Variants in DMXL1 observed in about 807,000 individuals in gnomAD.
DMXL1 encodes the protein Dmx like 1.
In DMXL1, 99 loss-of-function variants were observed where a neutral mutation model predicts 319.2. The ratio of observed to expected loss-of-function variants is 0.31; its 90% CI spans 0.26 to 0.37. DMXL1 has a LOEUF of 0.37. DMXL1 is among the 10% of genes least tolerant of loss of function. The pLI, the probability that DMXL1 is intolerant of heterozygous loss-of-function variation, is 1.00. For synonymous variants in DMXL1, 1,385 were observed against 1,235.2 expected, an observed-to-expected ratio of 1.12 and a Z score of -2.54; for missense variants, 3,745 against 3,595.6, an observed-to-expected ratio of 1.04 and a Z score of -1.06.
In DMXL1 at chr5:119,173,776, G is replaced by GTGTATATATATA; in HGVS notation, c.6682-1484_6682-1483insGTATATATATAT. ...TGTGTATATATATATATGTGTGTGT[G>GTGTATATATATA]TATATATATATATATATATATAATG... is the stretch of plus-strand genomic sequence containing the variant. On this transcript the variant is annotated intron_variant, in intron 25 of 43. Coordinates refer to ENST00000539542, the MANE Select transcript of DMXL1 (RefSeq NM_001290321.3). Among the ~76,000 whole-genome samples, 206 of 67,170 alleles carry GTGTATATATATA rather than the reference G, an allele frequency of 3.1e-3. 14 individuals carry two copies. The highest frequency in any genetic ancestry group is 0.011 in the African/African-American group (197 of 18,014). 44.1% of individuals were successfully genotyped at this position (67,170 alleles called of 152,430 possible). A position where few individuals can be genotyped will look rare whatever the true frequency, so the allele number is the denominator to read the frequency against.
chr5:119,077,058 T>C (rs1751036317), intron 1 of DMXL1, among the ~76,000 whole-genome samples: 1 of 152,238 alleles, frequency 6.6e-6, no homozygotes, highest in Non-Finnish European at 1.5e-5. Flanking sequence ...TCTCACTGTA[T>C]TGACCAGGCA....
At chr5:119,168,889 T>C (rs1773983576) in intron 23 of DMXL1, among the ~76,000 whole-genome samples, 1 of 151,756 alleles carries the variant, frequency 6.6e-6, no homozygotes, top group Non-Finnish European at 1.5e-5. Context: ...TTTTGTCTTG[T>C]CTTTTCTCTT....
At chr5:119,207,787 G>T (rs1172727717) in intron 34 of DMXL1, among the ~76,000 whole-genome samples, 1 of 152,170 alleles carries the variant, frequency 6.6e-6, no homozygotes, top group East Asian at 1.9e-4. Flanking sequence ...CTCCCAAAGT[G>T]CTAGGATTAC....
At chr5:119,156,771 A>G (rs1248803197) in intron 19 of DMXL1, among the ~76,000 whole-genome samples, 1 of 151,754 alleles carries the variant, frequency 6.6e-6, no homozygotes, top group Admixed American at 6.6e-5. Flanking sequence ...TAATGGCTGT[A>G]CTAATTTATG....
In DMXL1 at chr5:119,170,448, A is replaced by G. The variant is rs777230064; in HGVS notation, c.5657A>G (p.Lys1886Arg). 1.2e-6 allele frequency: 2 copies of G among 1,614,024 alleles called. No individual in the cohort carries two copies. Among genetic ancestry groups the G allele is most frequent in the East Asian group, 2.2e-5 (1 of 44,876 alleles). The change falls in exon 24 of 44, where the codon AAG becomes AGG. Residue 1886 changes from lysine (K) to arginine (R), a missense_variant. Transcript: ENST00000539542. ...TTATCAAAGATGCCTAAAGTCATCA[A>G]GAAAACAAGACCTTTTTATAGGGCT... ...EVLSKMPKVIKKTRPFYRASS... is the reference protein window; with the variant it reads ...EVLSKMPKVIRKTRPFYRASS...
intron 1 of DMXL1, among the ~76,000 whole-genome samples, chr5:119,072,308 CA>C (rs1184843800): frequency 1.3e-5 from 2 of 151,900 alleles, no homozygotes; most frequent in African/African-American, 4.8e-5. Flanking sequence ...AAGAGGGCAC[CA>C]AATTTCGGGC....
intron 3 of DMXL1, 150 bp from the exon 4 acceptor site, chr5:119,105,030 T>C (rs2149814913): frequency 1.7e-6 from 1 of 571,768 alleles, no homozygotes; most frequent in Non-Finnish European, 3.2e-6. Flanking sequence ...CTTTATCATG[T>C]GTTCTCTATT....
chr5:119,148,851 A>G lies in DMXL1; in HGVS notation c.3024A>G (p.Glu1008=). The G allele has an allele frequency of 6.2e-7, 1 of 1,613,820 alleles. No homozygotes were observed. Among genetic ancestry groups the G allele is most frequent in the Non-Finnish European group, 8.5e-7 (1 of 1,179,798 alleles). ...GGAGATGCAGAGTAACAGATGGAGA[A>G]TCTGCCACGTCAAAGAATGGAAAAA... is the stretch of plus-strand genomic sequence containing the variant. ...RFWRCRVTDG[E]SATSKNGKID... Residue 1008 remains glutamate, a synonymous_variant, in exon 18 of 44, where the codon GAA becomes GAG. Coordinates refer to ENST00000539542, the MANE Select transcript of DMXL1 (RefSeq NM_001290321.3).
chr5:119,092,416 C>CT (rs2149751425), intron 1 of DMXL1, among the ~76,000 whole-genome samples: 1 of 152,100 alleles, frequency 6.6e-6, no homozygotes, highest in African/African-American at 2.4e-5. Context: ...TTGTATGAAT[C>CT]TGTTTTTCAT....
At chr5:119,232,389 G>A (rs1581463608) in intron 38 of DMXL1, among the ~76,000 whole-genome samples, 2 of 152,122 alleles carry the variant, frequency 1.3e-5, no homozygotes, top group African/African-American at 4.8e-5. Flanking sequence ...ACTGATATGT[G>A]ACTAGCAAGT....
At chr5:119,178,328 T>C in intron 28 of DMXL1, 84 bp downstream of exon 28, 1 of 1,437,022 alleles carries the variant, frequency 7.0e-7, no homozygotes, top group Non-Finnish European at 9.4e-7. Flanking sequence ...TTTAATTTAG[T>C]TATAGAAAGT....
chr5:119,118,477 G>A (rs1026088199), intron 7 of DMXL1, among the ~76,000 whole-genome samples: 10 of 152,044 alleles, frequency 6.6e-5, no homozygotes, highest in Admixed American at 3.3e-4. Flanking sequence ...TGGGATGGTG[G>A]CACACACCTG....
At chr5:119,077,674 A>ATGTGTGTGTGTGTG (rs369098761) in intron 1 of DMXL1, among the ~76,000 whole-genome samples, 32 of 118,894 alleles carry the variant, frequency 2.7e-4, no homozygotes, top group African/African-American at 1.2e-3. Context: ...GTGTATATAT[A>ATGTGTGTGTGTGTG]TGTGTGTGTG....
At chr5:119,082,862 C>T (rs757014867) in intron 1 of DMXL1, among the ~76,000 whole-genome samples, 1 of 152,216 alleles carries the variant, frequency 6.6e-6, no homozygotes, top group Non-Finnish European at 1.5e-5. Flanking sequence ...TTCTCTTCAT[C>T]GTCTCCCCCA....
chr5:119,186,341 G>C (rs771962951), intron 28 of DMXL1, among the ~76,000 whole-genome samples: 2 of 152,128 alleles, frequency 1.3e-5, no homozygotes, highest in Non-Finnish European at 1.5e-5. Context: ...TGTGATCTCA[G>C]CTCACTGCAA....
chr5:119,152,107 C>T, intron 19 of DMXL1, 71 bp downstream of exon 19: 5 of 998,886 alleles, frequency 5.0e-6, no homozygotes, highest in Non-Finnish European at 7.5e-6. Context: ...AGTTTTTAAA[C>T]TTGTTTTTAC....
At chr5:119,238,944 AT>A in intron 40 of DMXL1, 44 bp from the exon 41 acceptor site, 1 of 1,608,126 alleles carries the variant, frequency 6.2e-7, no homozygotes, top group East Asian at 2.2e-5. Context: ...TGGTTATGAC[AT>A]TTTTAGTGAG....
intron 2 of DMXL1, among the ~76,000 whole-genome samples, chr5:119,100,905 G>A (rs989293624): frequency 2.1e-4 from 31 of 149,150 alleles, no homozygotes; most frequent in African/African-American, 6.4e-4. Context: ...TCAGCCTCCC[G>A]AGTAGCTGGG....
intron 1 of DMXL1, among the ~76,000 whole-genome samples, 181 bp downstream of exon 1, chr5:119,071,837 T>G (rs1749656794): frequency 1.3e-5 from 2 of 152,192 alleles, no homozygotes; most frequent in Middle Eastern, 3.4e-3. Context: ...TGTCGGTCAG[T>G]GAGGTACTGT....
Sources: allele counts gnomAD v4.1 joint callset (sites outside exome capture counted in the v4.1 genomes callset), GRCh38; gene constraint gnomAD v4.1.1; transcripts MANE v1.5; gene names NCBI Gene and HGNC (gene_info 2026-07-23, HGNC 2026-07-21).